SYNPO2: variants seen among roughly 807,000 people sequenced by gnomAD.
The protein encoded by SYNPO2 is synaptopodin-2.
Under a neutral mutation model 85.0 loss-of-function variants are expected in SYNPO2, and 56 were observed. The ratio of observed to expected loss-of-function variants is 0.66; its 90% CI spans 0.53 to 0.82. The LOEUF is 0.82. Among genes scored for constraint, SYNPO2 ranks in the 40% least tolerant of loss-of-function variants. The pLI, the probability that SYNPO2 is intolerant of heterozygous loss-of-function variation, is 0.00. For synonymous variants in SYNPO2, 602 were observed against 591.1 expected (o/e 1.02, Z -0.27); for missense variants, 1,575 against 1,534.2 (o/e 1.03, Z -0.44).
Position 119,027,101 on chromosome 4 carries a change from C to T in SYNPO2, c.732C>T (p.Ile244=). Residue 244 remains isoleucine, a synonymous_variant, in exon 3 of 5, where the codon ATC becomes ATT. Transcript: ENST00000307142. ...SHDRIVHINS[I]PTNEKADPFL... ...ACAGGATTGTCCACATAAATTCGAT[C>T]CCTACTAATGAGAAAGCAGACCCTT... The T allele has an allele frequency of 1.9e-6, 3 of 1,614,144 alleles. No homozygotes were observed. Among genetic ancestry groups the T allele is most frequent in the African/African-American group, 1.3e-5 (1 of 75,010 alleles).
intron 1 of SYNPO2, among the ~76,000 whole-genome samples, chr4:118,973,571 C>T (rs1400575216): frequency 6.6e-6 from 1 of 152,082 alleles, no homozygotes; most frequent in Non-Finnish European, 1.5e-5. Context: ...CAAGTACTTT[C>T]CACTTACTTT....
At chr4:119,004,839 A>G (rs904262025) in intron 1 of SYNPO2, among the ~76,000 whole-genome samples, 8 of 152,032 alleles carry the variant, frequency 5.3e-5, no homozygotes, top group African/African-American at 1.9e-4. Flanking sequence ...TTACAGTCCC[A>G]CCAACAGTGT....
intron 1 of SYNPO2, among the ~76,000 whole-genome samples, chr4:118,990,857 G>A (rs139686582): frequency 0.02 from 2,978 of 152,086 alleles, 85 homozygotes; most frequent in African/African-American, 0.068. Flanking sequence ...TTATCTGCCC[G>A]CCTCGGCCTC....
rs1260300241 is a variant in SYNPO2 at position 119,059,008 on chromosome 4, A to G, written c.*1074A>G. ...ATCTGTCAAATGAGAAGATTGGATT[A>G]TCTAATCTTTTAGATCCTTAACAAC... On this transcript the variant is annotated 3_prime_UTR_variant, in exon 5 of 5. Coordinates refer to ENST00000307142, the MANE Select transcript of SYNPO2 (RefSeq NM_133477.3). The G allele has an allele frequency of 6.6e-6, 1 of 152,226 alleles. No homozygotes were observed. Among genetic ancestry groups the G allele is most frequent in the Non-Finnish European group, 1.5e-5 (1 of 68,038 alleles). The allele number at this position is 152,226 out of a possible 1,614,324, so 9.4% of individuals were successfully genotyped here.
chr4:118,915,831 T>C (rs1428846991), intron 1 of SYNPO2, among the ~76,000 whole-genome samples: 2 of 152,222 alleles, frequency 1.3e-5, no homozygotes, highest in African/African-American at 4.8e-5. Context: ...TACAACTTCT[T>C]AATGCTTCAT....
intron 1 of SYNPO2, among the ~76,000 whole-genome samples, chr4:118,982,994 A>T (rs1736087890): frequency 6.6e-6 from 1 of 152,186 alleles, no homozygotes; most frequent in Admixed American, 6.5e-5. Flanking sequence ...CTGGAACGTC[A>T]GTGACTCTTG....
At chr4:118,961,936 T>C (rs1735112566) in intron 1 of SYNPO2, among the ~76,000 whole-genome samples, 1 of 152,194 alleles carries the variant, frequency 6.6e-6, no homozygotes, top group South Asian at 2.1e-4. Context: ...TTAAATCTTG[T>C]CTCTACTGAC....
At chr4:119,040,358 G>A (rs191618471) in intron 4 of SYNPO2, among the ~76,000 whole-genome samples, 54 of 152,260 alleles carry the variant, frequency 3.5e-4, no homozygotes, top group Non-Finnish European at 7.4e-4. Flanking sequence ...CTATTCCCAG[G>A]AGTCGTTGAG....
chr4:119,030,072 T>C lies in SYNPO2; in HGVS notation c.1297T>C (p.Cys433Arg), dbSNP rs200146493. The C allele has an allele frequency of 8.1e-6, 13 of 1,613,898 alleles. No homozygotes were observed. The African/African-American group carries it at 1.1e-4, about 13-fold the overall frequency. Residue 433 changes from cysteine to arginine, a missense_variant, in exon 4 of 5, where the codon TGT becomes CGT. Physicochemically the swap from Cys to Arg is radical, Grantham distance 180. This residue lies in a region of SYNPO2 where 1,508 missense variants were observed against 1,446.8 expected (regional missense o/e 1.04). Transcript: ENST00000307142. ...EEEEGDKEDT[C>R]EVAFLGASES... ...GGAAGAAGGTGACAAGGAGGATACA[T>C]GTGAAGTAGCATTTCTTGGTGCAAG...
intron 4 of SYNPO2, among the ~76,000 whole-genome samples, chr4:119,050,042 T>C (rs553510981): frequency 6.6e-6 from 1 of 152,228 alleles, no homozygotes; most frequent in South Asian, 2.1e-4. Context: ...AAAAAAAAGA[T>C]GTTCTCAGGC....
intron 1 of SYNPO2, among the ~76,000 whole-genome samples, chr4:119,004,082 C>T: frequency 6.6e-6 from 1 of 152,098 alleles, no homozygotes; most frequent in Non-Finnish European, 1.5e-5. Context: ...TGTTTTCGGC[C>T]CTACATTCAC....
rs527996700 is a variant in SYNPO2 at position 119,010,615 on chromosome 4, C to CTGCTATG, written c.106-12800_106-12794dup. Among the ~76,000 whole-genome samples, 75 of 152,270 alleles carry CTGCTATG rather than the reference C, an allele frequency of 4.9e-4. 1 individual carries two copies. The highest frequency in any genetic ancestry group is 1.8e-3 in the African/African-American group (75 of 41,556). The stretch of plus-strand genomic sequence containing the variant: ...AACTGTCTCCTTTGAGAAGCCTTGC[C>CTGCTATG]TGCTATGTGCTATGTGCTATGCACT... On this transcript the variant is annotated intron_variant, in intron 1 of 4. Coordinates refer to ENST00000307142, the MANE Select transcript of SYNPO2 (RefSeq NM_133477.3).
rs528011048 is a variant in SYNPO2, at chr4:119,059,170, C to T, written c.*1236C>T. 6.6e-6 allele frequency: 1 copy of T among 152,170 alleles called. No individual in the cohort carries two copies. The highest frequency in any genetic ancestry group is 1.9e-4 in the East Asian group (1 of 5,184). The allele number at this position is 152,170 out of a possible 1,614,324, so 9.4% of individuals were successfully genotyped here. A position where few individuals can be genotyped will look rare whatever the true frequency, so the allele number is the denominator to read the frequency against. On this transcript the variant is annotated 3_prime_UTR_variant, in exon 5 of 5. Transcript: ENST00000307142. ...TGTCACTACATGTATCATTAAAGGT[C>T]CTAAAAGGAATTGTTAGGCGGCAGG...
chr4:119,027,090 A>C lies in SYNPO2; in HGVS notation c.721A>C (p.Ile241Leu), dbSNP rs1737992237. 6.2e-7 allele frequency: 1 copy of C among 1,614,058 alleles called. No homozygotes were observed. Residue 241 changes from isoleucine to leucine, a missense_variant, in exon 3 of 5, where the codon ATA becomes CTA. Ile to Leu is a conservative substitution (Grantham distance 5). This residue lies in a region of SYNPO2 where 1,508 missense variants were observed against 1,446.8 expected (regional missense o/e 1.04). Transcript: ENST00000307142. Reference sequence around the variant, plus strand: ...CTTGTCACATGACAGGATTGTCCACATAAATTCGATCCCTACTAATGAGAA... The same window carrying C: ...CTTGTCACATGACAGGATTGTCCACCTAAATTCGATCCCTACTAATGAGAA... The part of the protein sequence containing the change: ...PNLSHDRIVH[I>L]NSIPTNEKAD...
chr4:118,872,585 C>T (rs770326746), intron 1 of SYNPO2, among the ~76,000 whole-genome samples: 3 of 152,058 alleles, frequency 2.0e-5, no homozygotes, highest in Non-Finnish European at 2.9e-5. Context: ...TTAACTTTTA[C>T]GCAGATAAGA....
rs1734269957 is a variant in SYNPO2 at position 118,940,497 on chromosome 4, T to TC, written c.105+51356_105+51357insC. Among the ~76,000 whole-genome samples the TC allele has an allele frequency of 3.3e-5, 5 of 151,320 alleles. 1 individual carries two copies. The South Asian group carries it at 1.0e-3, about 32-fold the overall frequency. ...CTTGTGAAAGCATGCAAGCTTTCAT[T>TC]TTTTTTTCATTCATTTGACAAATAT... is the stretch of plus-strand genomic sequence containing the variant. On this transcript the variant is annotated intron_variant, in intron 1 of 4. Coordinates refer to ENST00000307142, the MANE Select transcript of SYNPO2 (RefSeq NM_133477.3).
intron 1 of SYNPO2, among the ~76,000 whole-genome samples, chr4:119,007,264 A>ATGTG: frequency 1.3e-5 from 1 of 76,504 alleles, no homozygotes; most frequent in East Asian, 3.9e-4. Context: ...ATATATATAT[A>ATGTG]TATATATATA....
intron 1 of SYNPO2, among the ~76,000 whole-genome samples, chr4:118,997,251 A>T (rs987246712): frequency 1.3e-5 from 2 of 151,218 alleles, no homozygotes; most frequent in African/African-American, 4.9e-5. Context: ...AAAAAAAAAA[A>T]AAAAAATTAA....
intron 4 of SYNPO2, among the ~76,000 whole-genome samples, chr4:119,055,504 T>G (rs931202648): frequency 2.0e-5 from 3 of 152,218 alleles, no homozygotes; most frequent in Non-Finnish European, 2.9e-5. Flanking sequence ...GGGCTAAAAC[T>G]AGTACTGGAT....
Sources: allele counts gnomAD v4.1 joint callset (sites outside exome capture counted in the v4.1 genomes callset), GRCh38; gene constraint gnomAD v4.1.1; regional missense constraint gnomAD v4.1.1; transcripts MANE v1.5; gene names NCBI Gene and HGNC (gene_info 2026-07-23, HGNC 2026-07-21).